Variants in ROBO1 observed in about 807,000 individuals in gnomAD.
ROBO1 encodes the protein roundabout homolog 1.
Under a neutral mutation model 195.9 loss-of-function variants are expected in ROBO1, and 149 were observed. That is an observed-to-expected ratio of 0.76 (90% CI 0.67 to 0.87). The LOEUF (loss-of-function observed/expected upper bound fraction) is 0.87. Among genes scored for constraint, ROBO1 ranks in the 40% least tolerant of loss-of-function variants. ROBO1 has a pLI of 0.00. For missense variants in ROBO1, 1,933 were observed against 2,068.3 expected, an observed-to-expected ratio of 0.93 and a Z score of 1.27; for synonymous variants, 816 against 733.2, an observed-to-expected ratio of 1.11 and a Z score of -1.82.
intron 2 of ROBO1, among the ~76,000 whole-genome samples, chr3:79,384,639 C>T (rs934395382): frequency 3.3e-5 from 5 of 151,846 alleles, no homozygotes; most frequent in African/African-American, 1.2e-4. Flanking sequence ...TAAATGCTTC[C>T]TTTAAATGTT....
At chr3:79,123,532 A>G (rs2108567450) in intron 3 of ROBO1, among the ~76,000 whole-genome samples, 1 of 152,138 alleles carries the variant, frequency 6.6e-6, no homozygotes, top group Non-Finnish European at 1.5e-5. Flanking sequence ...TAACATGCAA[A>G]CAAAAGAGAC....
chr3:79,371,628 C>T (rs569775606), intron 2 of ROBO1, among the ~76,000 whole-genome samples: 4 of 151,852 alleles, frequency 2.6e-5, no homozygotes, highest in Admixed American at 1.3e-4. Flanking sequence ...ATATAAAGTG[C>T]GGAGGGTAAT....
At chr3:79,021,215 A>C (rs1550929) in intron 3 of ROBO1, among the ~76,000 whole-genome samples, 148,412 of 152,280 alleles carry the variant, frequency 0.97, 72,414 homozygotes, top group East Asian at 1. Flanking sequence ...GCTGAAAAGC[A>C]TACATCGATT....
chr3:78,606,609 A>G, intron 29 of ROBO1, 124 bp downstream of exon 29: 1 of 877,032 alleles, frequency 1.1e-6, no homozygotes, highest in Non-Finnish European at 1.8e-6. Context: ...GTACATGCCT[A>G]TCTCCTCCAC....
At chr3:78,912,600 T>C (rs1409446945) in intron 4 of ROBO1, among the ~76,000 whole-genome samples, 1 of 152,158 alleles carries the variant, frequency 6.6e-6, no homozygotes, top group Non-Finnish European at 1.5e-5. Context: ...TTATTAAACT[T>C]CCTTCCTTGT....
chr3:79,290,240 G>T (rs193238491), intron 2 of ROBO1, among the ~76,000 whole-genome samples: 2 of 151,986 alleles, frequency 1.3e-5, no homozygotes, highest in African/African-American at 2.4e-5. Context: ...CACTGTGTTG[G>T]CCAGGCTGGT....
chr3:79,304,648 T>TC (rs1290490741), intron 2 of ROBO1, among the ~76,000 whole-genome samples: 1 of 152,224 alleles, frequency 6.6e-6, no homozygotes. Flanking sequence ...GGAAGTTTCA[T>TC]CCATAATGAG....
chr3:79,630,266 A>G lies in ROBO1; in HGVS notation c.-50-40305T>C, dbSNP rs531879579. Among the ~76,000 whole-genome samples, 3 of 152,196 alleles carry G rather than the reference A, an allele frequency of 2.0e-5. No individual in the cohort carries two copies. In the East Asian group the frequency reaches 5.8e-4, roughly 29 times the overall value. On this transcript the variant is annotated intron_variant, in intron 1 of 30. Coordinates refer to ENST00000464233, the MANE Select transcript of ROBO1 (RefSeq NM_002941.4). ...TACCAAATGCTAGGAAGCAAAATCC[A>G]CCATCACATCAAAAATATAATACAT... is the stretch of plus-strand genomic sequence containing the variant.
chr3:79,651,357 T>A (rs556574131), intron 1 of ROBO1, among the ~76,000 whole-genome samples: 1 of 152,152 alleles, frequency 6.6e-6, no homozygotes, highest in South Asian at 2.1e-4. Flanking sequence ...ATTTATGATA[T>A]TTTTCTGTGT....
At chr3:79,290,732 G>A (rs1559794322) in intron 2 of ROBO1, among the ~76,000 whole-genome samples, 1 of 152,054 alleles carries the variant, frequency 6.6e-6, no homozygotes, top group African/African-American at 2.4e-5. Flanking sequence ...TGTTCTTTGG[G>A]ATTGAGAACT....
Position 79,320,789 on chromosome 3 carries a change from A to G in ROBO1, c.89-195250T>C, listed in dbSNP as rs530439153. Reference sequence around the variant, plus strand: ...TAATGTTTGTCTTATCTCAGAGTGGATGTAAACAAATTTTAAATGAATCAG... The same window carrying G: ...TAATGTTTGTCTTATCTCAGAGTGGGTGTAAACAAATTTTAAATGAATCAG... On this transcript the variant is annotated intron_variant, in intron 2 of 30. Transcript: ENST00000464233. 1.4e-4 allele frequency among the ~76,000 whole-genome samples: 21 copies of G among 152,340 alleles called. No homozygotes were observed. The East Asian group carries it at 3.5e-3, about 25-fold the overall frequency.
chr3:78,911,530 TG>T (rs1434293334), intron 4 of ROBO1, among the ~76,000 whole-genome samples: 4 of 152,158 alleles, frequency 2.6e-5, no homozygotes, highest in Middle Eastern at 6.8e-3. Context: ...AAATTGTCTG[TG>T]CAATACTTGG....
intron 2 of ROBO1, among the ~76,000 whole-genome samples, chr3:79,499,165 T>C (rs1437063681): frequency 1.3e-5 from 2 of 152,206 alleles, no homozygotes; most frequent in South Asian, 2.1e-4. Context: ...CAGCTAATTT[T>C]TGAATTGTTA....
intron 4 of ROBO1, among the ~76,000 whole-genome samples, chr3:78,765,101 T>C (rs1227727030): frequency 1.3e-5 from 2 of 152,092 alleles, no homozygotes; most frequent in Non-Finnish European, 2.9e-5. Flanking sequence ...AAAAGTAAGG[T>C]ATTGCAAAGT....
chr3:79,645,365 G>T (rs1247879575), intron 1 of ROBO1, among the ~76,000 whole-genome samples: 1 of 151,916 alleles, frequency 6.6e-6, no homozygotes. Flanking sequence ...AGCCAGCCAT[G>T]GTGATGCACA....
intron 1 of ROBO1, among the ~76,000 whole-genome samples, chr3:79,727,008 G>A (rs1230273432): frequency 1.3e-5 from 2 of 152,166 alleles, no homozygotes; most frequent in Non-Finnish European, 2.9e-5. Flanking sequence ...TCTCTGCAGT[G>A]AAACATGAGT....
At chr3:79,381,466 T>C (rs1299836945) in intron 2 of ROBO1, among the ~76,000 whole-genome samples, 9 of 151,944 alleles carry the variant, frequency 5.9e-5, no homozygotes, top group Non-Finnish European at 1.3e-4. Context: ...CTGACTAATA[T>C]GAAAATAAAA....
chr3:79,697,838 T>G (rs911710222), intron 1 of ROBO1, among the ~76,000 whole-genome samples: 4 of 151,396 alleles, frequency 2.6e-5, no homozygotes, highest in Non-Finnish European at 5.9e-5. Context: ...CCCAATTTTG[T>G]TCAGTGAGGT....
chr3:79,161,289 A>T (rs187502470), intron 2 of ROBO1, among the ~76,000 whole-genome samples: 22 of 152,254 alleles, frequency 1.4e-4, no homozygotes, highest in Admixed American at 5.9e-4. Context: ...ACAATGACAA[A>T]ATATTTTTGA....
Sources: allele counts gnomAD v4.1 joint callset (sites outside exome capture counted in the v4.1 genomes callset), GRCh38; gene constraint gnomAD v4.1.1; transcripts MANE v1.5; gene names NCBI Gene and HGNC (gene_info 2026-07-23, HGNC 2026-07-21).